The following ANKFN1 variants were observed in gnomAD, a reference collection of about 807,000 sequenced individuals.
ANKFN1 encodes the protein ankyrin repeat and fibronectin type III domain containing 1.
In ANKFN1, 74 loss-of-function variants were observed where a neutral mutation model predicts 108.7. The observed-to-expected ratio is 0.68, with a 90% CI of 0.56 to 0.83. The LOEUF (loss-of-function observed/expected upper bound fraction) is 0.83. Among genes scored for constraint, ANKFN1 ranks in the 40% least tolerant of loss-of-function variants. ANKFN1 has a pLI of 0.00. For synonymous variants in ANKFN1, 547 were observed against 516.2 expected, an observed-to-expected ratio of 1.06 and a Z score of -0.81; for missense variants, 1,505 against 1,382.3, an observed-to-expected ratio of 1.09 and a Z score of -1.41.
At chr17:56,215,048 G>A (rs1356028868) in intron 2 of ANKFN1, among the ~76,000 whole-genome samples, 1 of 152,158 alleles carries the variant, frequency 6.6e-6, no homozygotes, top group African/African-American at 2.4e-5. Context: ...CAATATCTCT[G>A]AAGATTTCCT....
intron 4 of ANKFN1, among the ~76,000 whole-genome samples, chr17:56,063,826 G>A (rs888940225): frequency 1.3e-5 from 2 of 151,994 alleles, no homozygotes; most frequent in Admixed American, 1.3e-4. Flanking sequence ...AGGAGAAAAG[G>A]CACTCTGGCC....
intron 8 of ANKFN1, among the ~76,000 whole-genome samples, chr17:56,379,134 C>G (rs2047022006): frequency 6.6e-6 from 1 of 152,116 alleles, no homozygotes; most frequent in Non-Finnish European, 1.5e-5. Context: ...CGCGGTGGTT[C>G]ATGCCTATAA....
intron 4 of ANKFN1, among the ~76,000 whole-genome samples, chr17:56,334,147 C>T (rs11657999): frequency 0.5 from 75,673 of 152,034 alleles, 19,230 homozygotes; most frequent in Middle Eastern, 0.57. Flanking sequence ...TGAAGGACTA[C>T]TGACACGAAG....
At chr17:56,089,279 C>T (rs1905371582) in intron 4 of ANKFN1, among the ~76,000 whole-genome samples, 1 of 151,314 alleles carries the variant, frequency 6.6e-6, no homozygotes, top group South Asian at 2.1e-4. Flanking sequence ...CATCATACTA[C>T]ATCCTCTGAT....
At chr17:56,142,631 C>T (rs1345554496) in intron 4 of ANKFN1, among the ~76,000 whole-genome samples, 3 of 152,194 alleles carry the variant, frequency 2.0e-5, no homozygotes, top group Non-Finnish European at 1.5e-5. Flanking sequence ...ACGCTTCAGA[C>T]TTTTGTTTCT....
chr17:56,086,511 T>C (rs1422119296), intron 4 of ANKFN1, among the ~76,000 whole-genome samples: 1 of 151,460 alleles, frequency 6.6e-6, no homozygotes, highest in Non-Finnish European at 1.5e-5. Context: ...ATGTCTTCTC[T>C]TGCCACTCTC....
chr17:56,298,597 A>G (rs935271267), intron 3 of ANKFN1, among the ~76,000 whole-genome samples: 6 of 151,902 alleles, frequency 3.9e-5, no homozygotes, highest in Non-Finnish European at 5.9e-5. Flanking sequence ...TTATTTATAA[A>G]CAACATTTTC....
chr17:56,154,903 A>C (rs542541759), intron 1 of ANKFN1, among the ~76,000 whole-genome samples: 9 of 152,274 alleles, frequency 5.9e-5, no homozygotes, highest in African/African-American at 2.2e-4. Context: ...CTCAGGTCTG[A>C]CACTAATTAG....
intron 4 of ANKFN1, among the ~76,000 whole-genome samples, chr17:56,115,287 A>G (rs1449389615): frequency 2.0e-5 from 3 of 152,166 alleles, no homozygotes; most frequent in Non-Finnish European, 4.4e-5. Flanking sequence ...GAACAATTGC[A>G]GGGACTTCAG....
At chr17:56,480,947 C>G (rs1775591541) in intron 17 of ANKFN1, 129 bp downstream of exon 17, 1 of 1,102,868 alleles carries the variant, frequency 9.1e-7, no homozygotes, top group Non-Finnish European at 1.3e-6. Flanking sequence ...TTAAACACCA[C>G]TTTGCAAGTG....
chr17:56,377,851 G>C (rs1488268448), intron 8 of ANKFN1, among the ~76,000 whole-genome samples: 1 of 151,900 alleles, frequency 6.6e-6, no homozygotes, highest in Non-Finnish European at 1.5e-5. Flanking sequence ...TCGAGTTTGT[G>C]TTTTTTTTCT....
At chr17:56,295,554 T>C (rs1205965913) in intron 3 of ANKFN1, among the ~76,000 whole-genome samples, 1 of 152,168 alleles carries the variant, frequency 6.6e-6, no homozygotes, top group Non-Finnish European at 1.5e-5. Flanking sequence ...AAAACCACTA[T>C]TCTACTCTTC....
At chr17:56,440,920 C>CA (rs1568003597) in intron 9 of ANKFN1, among the ~76,000 whole-genome samples, 2 of 151,238 alleles carry the variant, frequency 1.3e-5, no homozygotes, top group Non-Finnish European at 2.9e-5. Context: ...TATGTTTTCA[C>CA]AAAAAAGAAA....
At chr17:56,170,803 T>TACACACACACACAC (rs1160259097) in intron 1 of ANKFN1, among the ~76,000 whole-genome samples, 53 of 68,074 alleles carry the variant, frequency 7.8e-4, no homozygotes, top group Middle Eastern at 7.6e-3. Flanking sequence ...TATATATATA[T>TACACACACACACAC]ATATACACAC....
At position 56,219,001 on chromosome 17, in the gene ANKFN1, C is replaced by T. The variant is rs1330828760; in HGVS notation, c.12+6322C>T. ...TCTATTACAGTACTTTTCACACATC[C>T]CTGTAATTGCAGAGTCATTTTCTAA... On this transcript the variant is annotated intron_variant, in intron 2 of 20. Transcript: ENST00000682825. Among the ~76,000 whole-genome samples the T allele has an allele frequency of 2.0e-5, 3 of 152,104 alleles. 1 individual carries two copies. The highest frequency in any genetic ancestry group is 4.4e-5 in the Non-Finnish European group (3 of 68,022).
At chr17:56,326,504 A>G in intron 4 of ANKFN1, 149 bp downstream of exon 4, 1 of 966,220 alleles carries the variant, frequency 1.0e-6, no homozygotes, top group South Asian at 1.7e-5. Context: ...TCCATGAAGA[A>G]TACACACAAG....
At chr17:56,208,663 A>G (rs1914725837) in intron 1 of ANKFN1, among the ~76,000 whole-genome samples, 1 of 152,018 alleles carries the variant, frequency 6.6e-6, no homozygotes, top group African/African-American at 2.4e-5. Context: ...ATCCCTGAAA[A>G]ATTTCACTCT....
At chr17:56,067,339 TTA>T (rs1172023374) in intron 4 of ANKFN1, among the ~76,000 whole-genome samples, 3 of 152,244 alleles carry the variant, frequency 2.0e-5, no homozygotes, top group Non-Finnish European at 2.9e-5. Context: ...ATATTTAAAA[TTA>T]TATGAGTACT....
At chr17:56,474,975 T>C (rs1321966205) in intron 15 of ANKFN1, among the ~76,000 whole-genome samples, 1 of 152,222 alleles carries the variant, frequency 6.6e-6, no homozygotes, top group Non-Finnish European at 1.5e-5. Context: ...TTTGCTTTTC[T>C]GCACATGCTC....
Sources: gnomAD v4.1 joint callset for allele counts (sites outside exome capture counted in the v4.1 genomes callset) on GRCh38, gnomAD v4.1.1 for gene constraint, MANE v1.5 for transcripts, NCBI Gene and HGNC (gene_info 2026-07-23, HGNC 2026-07-21) for gene names.